Variants in UGT8 observed in about 807,000 individuals in gnomAD.
UGT8 encodes 2-hydroxyacylsphingosine 1-beta-galactosyltransferase.
Under a neutral mutation model 40.5 loss-of-function variants are expected in UGT8, and 12 were observed. The ratio of observed to expected loss-of-function variants is 0.30; its 90% CI spans 0.19 to 0.48. The LOEUF (loss-of-function observed/expected upper bound fraction) is 0.48, where lower values mean the gene tolerates loss of function less well. UGT8 is among the 20% of genes least tolerant of loss of function. The probability of loss-of-function intolerance (pLI) is 0.99; values close to 1 mark genes in which losing one functional copy is unlikely to be tolerated. For missense variants in UGT8, 513 were observed against 648.7 expected (o/e 0.79, Z 2.27); for synonymous variants, 224 against 240.4 (o/e 0.93, Z 0.63).
At chr4:114,619,908 T>C (rs1443053566) in intron 1 of UGT8, among the ~76,000 whole-genome samples, 1 of 151,672 alleles carries the variant, frequency 6.6e-6, no homozygotes, top group Non-Finnish European at 1.5e-5. Context: ...TTTGTATTGC[T>C]TAGTTTGTTT....
intron 2 of UGT8, among the ~76,000 whole-genome samples, chr4:114,626,916 T>C (rs554303257): frequency 6.6e-6 from 1 of 152,246 alleles, no homozygotes; most frequent in Non-Finnish European, 1.5e-5. Flanking sequence ...CTTTAGAGAT[T>C]TGATAAACTA....
intron 2 of UGT8, among the ~76,000 whole-genome samples, chr4:114,626,921 A>G (rs1320378703): frequency 5.3e-5 from 8 of 152,242 alleles, no homozygotes; most frequent in African/African-American, 1.9e-4. Context: ...GAGATTTGAT[A>G]AACTAAATCA....
intron 2 of UGT8, among the ~76,000 whole-genome samples, chr4:114,644,240 G>T (rs1045636877): frequency 6.6e-6 from 1 of 152,292 alleles, no homozygotes; most frequent in East Asian, 1.9e-4. Context: ...TGAATTGCAT[G>T]TGTAGAGTGC....
At chr4:114,647,432 C>G (rs1389598130) in intron 2 of UGT8, among the ~76,000 whole-genome samples, 1 of 151,584 alleles carries the variant, frequency 6.6e-6, no homozygotes, top group Admixed American at 6.6e-5. Context: ...GTGGCGCTAT[C>G]TCAGCTCACT....
chr4:114,608,076 C>A (rs1333670395), intron 1 of UGT8, among the ~76,000 whole-genome samples: 1 of 152,138 alleles, frequency 6.6e-6, no homozygotes, highest in Non-Finnish European at 1.5e-5. Flanking sequence ...TATTTATTTT[C>A]TCATATTGCT....
chr4:114,630,898 C>A (rs1233062027), intron 2 of UGT8, among the ~76,000 whole-genome samples: 1 of 152,108 alleles, frequency 6.6e-6, no homozygotes, highest in Non-Finnish European at 1.5e-5. Flanking sequence ...CTGCTGGCTC[C>A]ACACCTATCC....
intron 5 of UGT8, among the ~76,000 whole-genome samples, chr4:114,672,621 C>T (rs903143833): frequency 6.6e-6 from 1 of 151,612 alleles, no homozygotes; most frequent in Non-Finnish European, 1.5e-5. Flanking sequence ...ACAATGAGAA[C>T]GTATGGACAC....
At chr4:114,615,585 T>G (rs1731358141) in intron 1 of UGT8, among the ~76,000 whole-genome samples, 1 of 152,124 alleles carries the variant, frequency 6.6e-6, no homozygotes, top group African/African-American at 2.4e-5. Flanking sequence ...GGTGTTATGG[T>G]TTTGCAGTCT....
At chr4:114,626,767 T>C (rs1038188634) in intron 2 of UGT8, among the ~76,000 whole-genome samples, 1 of 152,242 alleles carries the variant, frequency 6.6e-6, no homozygotes, top group African/African-American at 2.4e-5. Flanking sequence ...TCACTAATTT[T>C]AGTCATTTAC....
At chr4:114,639,446 A>G (rs1162850044) in intron 2 of UGT8, among the ~76,000 whole-genome samples, 1 of 152,214 alleles carries the variant, frequency 6.6e-6, no homozygotes, top group Non-Finnish European at 1.5e-5. Flanking sequence ...ATGTATCCAG[A>G]AAGTGGTGCC....
At chr4:114,611,455 C>T (rs1226265053) in intron 1 of UGT8, among the ~76,000 whole-genome samples, 1 of 129,920 alleles carries the variant, frequency 7.7e-6, no homozygotes, top group East Asian at 2.2e-4. Flanking sequence ...TACACACACA[C>T]ACAGAGATAT....
chr4:114,613,016 A>C (rs1157669021), intron 1 of UGT8, among the ~76,000 whole-genome samples: 1 of 152,156 alleles, frequency 6.6e-6, no homozygotes, highest in Non-Finnish European at 1.5e-5. Flanking sequence ...GTTTTAGAAT[A>C]GTAAGGGATA....
intron 2 of UGT8, among the ~76,000 whole-genome samples, chr4:114,628,796 C>A (rs1053873702): frequency 7.7e-5 from 3 of 38,954 alleles, no homozygotes; most frequent in Non-Finnish European, 2.6e-4. Flanking sequence ...AGGGACTAGA[C>A]CAGGAGATAT....
intron 1 of UGT8, chr4:114,622,269 A>G (rs375066392): frequency 6.6e-6 from 1 of 151,394 alleles, no homozygotes; most frequent in Non-Finnish European, 1.5e-5. Context: ...CCATGTCCCT[A>G]CAAAGGACAT....
chr4:114,608,766 C>T (rs547162152), intron 1 of UGT8, among the ~76,000 whole-genome samples: 16 of 152,040 alleles, frequency 1.1e-4, no homozygotes, highest in East Asian at 3.9e-4. Flanking sequence ...AAAATAATCA[C>T]GGTGATAATT....
rs762410092 is a variant in UGT8 at position 114,622,871 on chromosome 4, T to C, written c.-2-8T>C. The C allele has an allele frequency of 6.3e-7, 1 of 1,591,510 alleles. No individual in the cohort carries two copies. Among genetic ancestry groups the C allele is most frequent in the Non-Finnish European group, 8.6e-7 (1 of 1,166,944 alleles). On this transcript the variant is annotated splice_region_variant and splice_polypyrimidine_tract_variant and intron_variant, in intron 1 of 5. Coordinates refer to ENST00000310836, the MANE Select transcript of UGT8 (RefSeq NM_001128174.3). The stretch of plus-strand genomic sequence containing the variant: ...TTGTTTTAAGTTGTTTTCTGGTTGT[T>C]ATTACAGCTATGAAGTCTTACACTC...
chr4:114,646,839 G>A (rs1055935821), intron 2 of UGT8, among the ~76,000 whole-genome samples: 5 of 152,172 alleles, frequency 3.3e-5, no homozygotes, highest in African/African-American at 7.2e-5. Context: ...CCACTGCCAC[G>A]TTCATGTTGG....
At position 114,628,109 on chromosome 4, in the gene UGT8, CA is replaced by C. The variant is rs1364285402; in HGVS notation, c.822+4412del. Among the ~76,000 whole-genome samples, 3 of 151,948 alleles carry C rather than the reference CA, an allele frequency of 2.0e-5. No individual in the cohort carries two copies. The East Asian group carries it at 5.8e-4, about 29-fold the overall frequency. On this transcript the variant is annotated intron_variant, in intron 2 of 5. Coordinates refer to ENST00000310836, the MANE Select transcript of UGT8 (RefSeq NM_001128174.3). The stretch of plus-strand genomic sequence containing the variant: ...ATACTGTCCTAGCCATTAAGCAACC[CA>C]AAAATCCATGCTAAGTTGTTGAGTT...
chr4:114,601,553 G>A (rs571005592), intron 1 of UGT8, among the ~76,000 whole-genome samples: 3 of 151,158 alleles, frequency 2.0e-5, no homozygotes, highest in South Asian at 2.1e-4. Context: ...ACATTTTCTC[G>A]GTAGCTGACT....
Sources: allele counts gnomAD v4.1 joint callset (sites outside exome capture counted in the v4.1 genomes callset), GRCh38; gene constraint gnomAD v4.1.1; transcripts MANE v1.5; gene names NCBI Gene and HGNC (gene_info 2026-07-23, HGNC 2026-07-21).